DIXDC1: variants seen among roughly 807,000 people sequenced by gnomAD.
DIXDC1 encodes the protein dixin.
In DIXDC1, 64 loss-of-function variants were observed where a neutral mutation model predicts 103.1. That is an observed-to-expected ratio of 0.62 (90% CI 0.51 to 0.76). The LOEUF is 0.76. DIXDC1 is among the 30% of genes least tolerant of loss of function. The pLI is 0.00. For synonymous variants in DIXDC1, 266 were observed against 298.5 expected (o/e 0.89, Z 1.12); for missense variants, 759 against 834.2 (o/e 0.91, Z 1.11).
In DIXDC1 at chr11:111,979,426, T is replaced by A. The variant is rs782417675; in HGVS notation, c.657-1311T>A. Reference sequence around the variant, plus strand: ...TTTCACTGTTGTCTGGGTGATAGATTTGGAAAGAATTCCTGAGAGGGGGCT... The same window carrying A: ...TTTCACTGTTGTCTGGGTGATAGATATGGAAAGAATTCCTGAGAGGGGGCT... On this transcript the variant is annotated intron_variant, in intron 5 of 19. Coordinates refer to ENST00000440460, the MANE Select transcript of DIXDC1 (RefSeq NM_001037954.4). Among the ~76,000 whole-genome samples the A allele has an allele frequency of 3.3e-5, 5 of 152,286 alleles. No individual in the cohort carries two copies. The South Asian group carries it at 8.3e-4, about 25-fold the overall frequency.
intron 2 of DIXDC1, among the ~76,000 whole-genome samples, chr11:111,966,208 TTTTTTTTTTTTTTTTTTTCC>T (rs1226537579): frequency 3.8e-5 from 4 of 105,172 alleles, no homozygotes; most frequent in Admixed American, 1.9e-4. Context: ...AAACCCGGGG[TTTTTTTTTTTTTTTTTTTCC>T]TTTTTTTTTT....
chr11:111,995,341 T>G lies in DIXDC1; in HGVS notation c.1528-62T>G, dbSNP rs191623256. ...TGGAAACTTCTCTCCTATATCCTTT[T>G]AAGCCCAGTGGTTGGGAAGTGGCAC... On this transcript the variant is annotated intron_variant, in intron 15 of 19. Transcript: ENST00000440460. 5 of 1,595,524 alleles carry G rather than the reference T, an allele frequency of 3.1e-6. No individual in the cohort carries two copies. In the African/African-American group the frequency reaches 6.7e-5, roughly 21 times the overall value.
Position 111,995,559 on chromosome 11 carries a change from A to G in DIXDC1, c.1684A>G (p.Arg562Gly). 6.2e-7 allele frequency: 1 copy of G among 1,613,944 alleles called. No homozygotes were observed. Among genetic ancestry groups the G allele is most frequent in the Non-Finnish European group, 8.5e-7 (1 of 1,179,902 alleles). ...HVMETQKKQE[R>G]KVRVKSPRTQ... The stretch of plus-strand genomic sequence containing the variant: ...TATGGAGACGCAGAAGAAACAAGAA[A>G]GAAAGGTAACCCTCTTGCTGTGGTA... Residue 562 changes from arginine (R) to glycine (G), a missense_variant, in exon 16 of 20, where the codon AGA becomes GGA. Coordinates refer to ENST00000440460, the MANE Select transcript of DIXDC1 (RefSeq NM_001037954.4).
rs1860970532 is a variant in DIXDC1 at position 111,998,546 on chromosome 11, T to A, written c.1756+2400T>A. 6.6e-6 allele frequency among the ~76,000 whole-genome samples: 1 copy of A among 152,222 alleles called. No individual in the cohort carries two copies. Among genetic ancestry groups the A allele is most frequent in the African/African-American group, 2.4e-5 (1 of 41,454 alleles). ...GAGCTTCAGTACTATTTTTTATTTTTATTTTTATTTACTTTGAGACAGAGT... is the reference window on the plus strand; with the variant it reads ...GAGCTTCAGTACTATTTTTTATTTTAATTTTTATTTACTTTGAGACAGAGT... On this transcript the variant is annotated intron_variant, in intron 17 of 19. Coordinates refer to ENST00000440460, the MANE Select transcript of DIXDC1 (RefSeq NM_001037954.4). The surrounding 1 kb of genome is among the most constrained non-coding windows in gnomAD (Gnocchi z 4.1).
intron 1 of DIXDC1, among the ~76,000 whole-genome samples, chr11:111,952,805 G>A (rs897550032): frequency 1.9e-4 from 28 of 150,646 alleles, no homozygotes; most frequent in African/African-American, 3.4e-4. Flanking sequence ...GGGTGACAGC[G>A]TGAGACTTTG....
chr11:111,979,551 T>G (rs1860229937), intron 5 of DIXDC1, among the ~76,000 whole-genome samples: 1 of 152,204 alleles, frequency 6.6e-6, no homozygotes, highest in African/African-American at 2.4e-5. Flanking sequence ...CCCTGTCACA[T>G]GGAAGCACCA....
chr11:111,937,320 GAGCATGCCC>G, upstream of DIXDC1: 1 of 1,337,250 alleles, frequency 7.5e-7, no homozygotes, highest in East Asian at 3.0e-5. Context: ...GCCCCCGTGC[GAGCATGCCC>G]AGTGCAAGCC....
intron 19 of DIXDC1, among the ~76,000 whole-genome samples, chr11:112,018,160 C>T (rs1861654202): frequency 6.6e-6 from 1 of 152,088 alleles, no homozygotes; most frequent in South Asian, 2.1e-4. Context: ...AATAAAGAAC[C>T]TAAGACAATA....
chr11:111,984,032 A>G (rs1402772315), intron 7 of DIXDC1, among the ~76,000 whole-genome samples: 1 of 152,166 alleles, frequency 6.6e-6, no homozygotes, highest in Non-Finnish European at 1.5e-5. Flanking sequence ...CTGGCTTCTT[A>G]TATATGTCTG....
chr11:112,018,233 A>C (rs1397513885), intron 19 of DIXDC1, among the ~76,000 whole-genome samples: 3 of 152,252 alleles, frequency 2.0e-5, no homozygotes, highest in Non-Finnish European at 4.4e-5. Context: ...GAGCAAAATA[A>C]ACACGCATGG....
intron 16 of DIXDC1, 120 bp downstream of exon 16, chr11:111,995,684 GT>G: frequency 7.7e-7 from 1 of 1,299,548 alleles, no homozygotes. Context: ...GGTTAGAGTT[GT>G]TTTTCTCTAT....
In DIXDC1 at chr11:112,016,717, A is replaced by G. The variant is rs1301187439; in HGVS notation, c.1783A>G (p.Thr595Ala). 2.5e-6 allele frequency: 4 copies of G among 1,607,054 alleles called. No individual in the cohort carries two copies. Among genetic ancestry groups the G allele is most frequent in the African/African-American group, 1.3e-5 (1 of 74,726 alleles). The change falls in exon 18 of 20, where the codon ACT (threonine) becomes GCT (alanine). Residue 595 changes from threonine (T) to alanine (A), a missense_variant. By Grantham distance (58) the Thr-to-Ala change is moderately conservative. Transcript: ENST00000440460. Reference sequence around the variant, plus strand: ...GTTGCCTCACTCACAGAGCTCTCCAACTGTCAGCAGCACCTGTACTAAAGT... The same window carrying G: ...GTTGCCTCACTCACAGAGCTCTCCAGCTGTCAGCAGCACCTGTACTAAAGT... ...SKLPHSQSSPTVSSTCTKVLY... is the reference protein window; with the variant it reads ...SKLPHSQSSPAVSSTCTKVLY...
In DIXDC1 at chr11:111,937,546, A is replaced by T; in HGVS notation, c.47A>T (p.Glu16Val). The change falls in exon 1 of 20, where the codon GAG becomes GTG. Residue 16 changes from glutamate to valine, a missense_variant. Coordinates refer to ENST00000440460, the MANE Select transcript of DIXDC1 (RefSeq NM_001037954.4). ...GGGAACTTACTGGACGTCCTGCAGG[A>T]GGGCTTCAATGAGGTAACTGTCCTG... Reference protein sequence around the residue: ...TRGNLLDVLQEGFNEQQLQAY... With the variant: ...TRGNLLDVLQVGFNEQQLQAY... 4 of 1,594,078 alleles carry T rather than the reference A, an allele frequency of 2.5e-6. No homozygotes were observed. Among genetic ancestry groups the T allele is most frequent in the Non-Finnish European group, 3.4e-6 (4 of 1,170,702 alleles).
intron 17 of DIXDC1, among the ~76,000 whole-genome samples, chr11:112,011,817 G>A (rs912462578): frequency 6.6e-6 from 1 of 152,066 alleles, no homozygotes; most frequent in South Asian, 2.1e-4. Context: ...GGGGGGGACG[G>A]GGGGAGGGAT....
At chr11:111,944,700 A>T (rs1281046018) in intron 1 of DIXDC1, among the ~76,000 whole-genome samples, 1 of 152,136 alleles carries the variant, frequency 6.6e-6, no homozygotes, top group African/African-American at 2.4e-5. Flanking sequence ...TCCACCGGCC[A>T]CCTCGTGGTA....
intron 17 of DIXDC1, among the ~76,000 whole-genome samples, chr11:111,999,360 A>G (rs1860995196): frequency 6.6e-6 from 1 of 152,250 alleles, no homozygotes; most frequent in African/African-American, 2.4e-5. Flanking sequence ...CTTTTCAACC[A>G]ATGGTGCTTG....
chr11:111,975,208 T>C, intron 5 of DIXDC1: 7 of 1,339,722 alleles, frequency 5.2e-6, no homozygotes, highest in Non-Finnish European at 6.7e-6. Context: ...ATCTGTGCAG[T>C]CCCAGTGCCA....
chr11:111,994,181 G>T (rs1227086754), intron 14 of DIXDC1, among the ~76,000 whole-genome samples: 1 of 152,144 alleles, frequency 6.6e-6, no homozygotes, highest in East Asian at 1.9e-4. Flanking sequence ...GAGGTCAGGA[G>T]TTTGAGACCA....
At chr11:111,985,398 A>C (rs1247449999) in intron 8 of DIXDC1, 77 bp downstream of exon 8, 1 of 1,162,538 alleles carries the variant, frequency 8.6e-7, no homozygotes, top group African/African-American at 1.6e-5. Context: ...ACTGCTGTTC[A>C]TGCCTTCTTG....
Sources: gnomAD v4.1 joint callset for allele counts (sites outside exome capture counted in the v4.1 genomes callset) on GRCh38, gnomAD v4.1.1 for gene constraint, Gnocchi (gnomAD v3.1) non-coding constraint, MANE v1.5 for transcripts, NCBI Gene and HGNC (gene_info 2026-07-23, HGNC 2026-07-21) for gene names.